WDTC1: variants seen among roughly 807,000 people sequenced by gnomAD.
WDTC1 encodes the protein WD and tetratricopeptide repeats 1, also known as WD and tetratricopeptide repeats protein 1.
In WDTC1, 12 loss-of-function variants were observed where a neutral mutation model predicts 76.0. The observed-to-expected ratio is 0.16, with a 90% confidence interval of 0.10 to 0.26. The LOEUF (loss-of-function observed/expected upper bound fraction) is 0.26, where lower values mean the gene tolerates loss of function less well. Among genes scored for constraint, WDTC1 ranks in the 10% least tolerant of loss-of-function variants. WDTC1 has a pLI of 1.00. For missense variants in WDTC1, 511 were observed against 908.8 expected, an observed-to-expected ratio of 0.56 and a Z score of 5.63; for synonymous variants, 326 against 350.8, an observed-to-expected ratio of 0.93 and a Z score of 0.79.
Position 27,297,409 on chromosome 1 carries a change from C to G in WDTC1, c.1058+253C>G, listed in dbSNP as rs959050248. 4.5e-4 allele frequency among the ~76,000 whole-genome samples: 68 copies of G among 152,172 alleles called. 1 individual carries two copies. The highest frequency in any genetic ancestry group is 1.5e-3 in the African/African-American group (62 of 41,446). On this transcript the variant is annotated intron_variant, in intron 11 of 15. Transcript: ENST00000319394. ...AGTAACTGGGGTCAGGACTCAGGAGCTAGCTGCCTCTTAGCACTGAGCTGT... is the reference window on the plus strand; with the variant it reads ...AGTAACTGGGGTCAGGACTCAGGAGGTAGCTGCCTCTTAGCACTGAGCTGT...
chr1:27,260,880 G>A, intron 1 of WDTC1, 76 bp from the exon 2 acceptor site: 1 of 709,194 alleles, frequency 1.4e-6, no homozygotes, highest in Non-Finnish European at 2.3e-6. Context: ...TGGGTGGGCT[G>A]TTTTAGGGGT....
chr1:27,273,866 AG>A lies in WDTC1; in HGVS notation c.133-8370del, dbSNP rs539263064. 4.6e-5 allele frequency among the ~76,000 whole-genome samples: 7 copies of A among 151,892 alleles called. No individual in the cohort carries two copies. The South Asian group carries it at 8.3e-4, about 18-fold the overall frequency. ...GCGTGTGTAGAGAGAGAGAAAGGAG[AG>A]GGAGGGAGAGGGAAAAAGATTATTT... On this transcript the variant is annotated intron_variant, in intron 3 of 15. Transcript: ENST00000319394.
intron 1 of WDTC1, among the ~76,000 whole-genome samples, chr1:27,239,540 A>AT (rs2011568826): frequency 6.7e-6 from 1 of 149,050 alleles, no homozygotes; most frequent in Non-Finnish European, 1.5e-5. Context: ...AAAAAAAAAA[A>AT]GCCAGTTGTG....
intron 3 of WDTC1, among the ~76,000 whole-genome samples, chr1:27,277,544 G>C (rs2013066970): frequency 6.6e-6 from 1 of 151,780 alleles, no homozygotes; most frequent in Non-Finnish European, 1.5e-5. Flanking sequence ...TGATCTTCCT[G>C]TCTTAGTCTC....
intron 1 of WDTC1, among the ~76,000 whole-genome samples, chr1:27,253,336 T>G (rs534056251): frequency 2.0e-4 from 31 of 151,222 alleles, no homozygotes; most frequent in South Asian, 1.7e-3. Context: ...TGTTTCTGCT[T>G]CTTCTTCTTT....
chr1:27,291,292 G>A (rs2013527855), intron 6 of WDTC1, among the ~76,000 whole-genome samples: 1 of 152,248 alleles, frequency 6.6e-6, no homozygotes, highest in African/African-American at 2.4e-5. Context: ...GGAGAGAAAT[G>A]TGAAATTGAG....
At position 27,301,995 on chromosome 1, in the gene WDTC1, C is replaced by T. The variant is rs2013842387; in HGVS notation, c.1468+534C>T. On this transcript the variant is annotated intron_variant, in intron 13 of 15. Transcript: ENST00000319394. This position sits in a 1 kb window ranked among gnomAD's most constrained non-coding sequence, Gnocchi z 5.8. ...AGCACAGCCTCTCTACCTACCTGCA[C>T]AAAGAGCACGAAGCCCTGCCCAGCT... 6.6e-6 allele frequency among the ~76,000 whole-genome samples: 1 copy of T among 152,162 alleles called. No individual in the cohort carries two copies. The highest frequency in any genetic ancestry group is 1.5e-5 in the Non-Finnish European group (1 of 68,024).
intron 1 of WDTC1, among the ~76,000 whole-genome samples, chr1:27,260,522 T>C (rs1417263405): frequency 6.6e-6 from 1 of 152,186 alleles, no homozygotes; most frequent in Non-Finnish European, 1.5e-5. Context: ...GAGTTCTGTC[T>C]GTGATACTGA....
chr1:27,292,910 C>T (rs1479885075), intron 7 of WDTC1, among the ~76,000 whole-genome samples: 3 of 150,372 alleles, frequency 2.0e-5, no homozygotes, highest in African/African-American at 7.3e-5. Flanking sequence ...TGCCACCACA[C>T]CTGGCTAATT....
intron 3 of WDTC1, among the ~76,000 whole-genome samples, chr1:27,273,269 C>T (rs2012925688): frequency 7.8e-6 from 1 of 127,576 alleles, no homozygotes; most frequent in African/African-American, 2.9e-5. Context: ...AGTGCAGTGG[C>T]ACGATCTTGG....
At chr1:27,270,161 T>A (rs1435486240) in intron 3 of WDTC1, among the ~76,000 whole-genome samples, 3 of 152,142 alleles carry the variant, frequency 2.0e-5, no homozygotes, top group Non-Finnish European at 2.9e-5. Context: ...TAGGCTCATG[T>A]AGTCCACCCA....
chr1:27,307,929 T>A lies in WDTC1; in HGVS notation c.*1546T>A, dbSNP rs2013996574. 1 of 152,670 alleles carries A rather than the reference T, an allele frequency of 6.6e-6. No individual in the cohort carries two copies. Among genetic ancestry groups the A allele is most frequent in the Non-Finnish European group, 1.5e-5 (1 of 68,196 alleles). 9.5% of individuals were successfully genotyped at this position (152,670 alleles called of 1,614,324 possible). ...CCTGCTGCTGGGACCTGCTCCCCTG[T>A]CTCTTCTCCGTGACCTTTCTCTAGC... On this transcript the variant is annotated 3_prime_UTR_variant, in exon 16 of 16. Coordinates refer to ENST00000319394, the MANE Select transcript of WDTC1 (RefSeq NM_001276252.2). The surrounding 1 kb of genome is among the most constrained non-coding windows in gnomAD (Gnocchi z 4.1).
intron 1 of WDTC1, among the ~76,000 whole-genome samples, chr1:27,258,906 C>G (rs1570949254): frequency 6.6e-6 from 1 of 152,124 alleles, no homozygotes; most frequent in African/African-American, 2.4e-5. Flanking sequence ...CTGGTAAACC[C>G]TGAGAGCCGT....
chr1:27,256,593 G>A (rs764709349), intron 1 of WDTC1, among the ~76,000 whole-genome samples: 3 of 152,178 alleles, frequency 2.0e-5, no homozygotes, highest in Non-Finnish European at 2.9e-5. Flanking sequence ...ACTTCAACTT[G>A]TGTTATTGCC....
At chr1:27,286,130 C>T (rs531807612) in intron 5 of WDTC1, among the ~76,000 whole-genome samples, 6 of 151,120 alleles carry the variant, frequency 4.0e-5, no homozygotes, top group African/African-American at 7.3e-5. Context: ...TTCAACCTTC[C>T]GAGCAGCTGG....
rs370315408 is a variant in WDTC1, at chr1:27,296,431, C to A, written c.949+30C>A. ...GTTCTCCCTTAGGGTATCTCTACTG[C>A]GGCGGTGTAGGGGAGCTTAAGTGCA... On this transcript the variant is annotated intron_variant, in intron 10 of 15. Transcript: ENST00000319394. 16 of 1,611,702 alleles carry A rather than the reference C, an allele frequency of 9.9e-6. No individual in the cohort carries two copies. In the South Asian group the frequency reaches 1.6e-4, roughly 17 times the overall value.
chr1:27,296,980 G>C, intron 10 of WDTC1, 68 bp from the exon 11 acceptor site: 1 of 1,405,420 alleles, frequency 7.1e-7, no homozygotes. Flanking sequence ...GGAAGCTAGA[G>C]GGCTGCCAGG....
At chr1:27,297,289 A>G in intron 11 of WDTC1, 133 bp downstream of exon 11, 2 of 796,738 alleles carry the variant, frequency 2.5e-6, no homozygotes, top group Non-Finnish European at 3.9e-6. Flanking sequence ...GACCAAGGCA[A>G]AGAGCCTTCT....
intron 12 of WDTC1, among the ~76,000 whole-genome samples, chr1:27,300,063 G>A (rs559451104): frequency 6.6e-6 from 1 of 152,308 alleles, no homozygotes; most frequent in East Asian, 1.9e-4. Context: ...CCTGACGCAG[G>A]CCACGCCATT....
Sources: allele counts gnomAD v4.1 joint callset (sites outside exome capture counted in the v4.1 genomes callset), GRCh38; gene constraint gnomAD v4.1.1; non-coding constraint Gnocchi (gnomAD v3.1); transcripts MANE v1.5; gene names NCBI Gene and HGNC (gene_info 2026-07-23, HGNC 2026-07-21).